The following TDRD5 variants were observed in gnomAD, a reference collection of about 807,000 sequenced individuals.
The protein encoded by TDRD5 is tudor domain-containing protein 5.
TDRD5 carries 41 observed loss-of-function variants against 120.6 expected under a neutral mutation model. That is an observed-to-expected ratio of 0.34 (90% CI 0.26 to 0.44). The LOEUF is 0.44. TDRD5 is among the 20% of genes least tolerant of loss of function. The probability of loss-of-function intolerance (pLI) is 1.00; values close to 1 mark genes in which losing one functional copy is unlikely to be tolerated. For missense variants in TDRD5, 1,006 were observed against 1,221.2 expected, an observed-to-expected ratio of 0.82 and a Z score of 2.63; for synonymous variants, 430 against 433.7, an observed-to-expected ratio of 0.99 and a Z score of 0.11.
intron 2 of TDRD5, 49 bp downstream of exon 2, chr1:179,592,896 T>C (rs1675193493): frequency 6.5e-7 from 1 of 1,538,298 alleles, no homozygotes; most frequent in Non-Finnish European, 9.0e-7. Flanking sequence ...TAAAAACAAT[T>C]GCTTAGTAAA....
intron 4 of TDRD5, among the ~76,000 whole-genome samples, chr1:179,602,581 A>G (rs374785808): frequency 1.6e-4 from 24 of 152,152 alleles, no homozygotes; most frequent in East Asian, 1.5e-3. Flanking sequence ...ATCCAGTTTC[A>G]TTCTCCTACA....
intron 6 of TDRD5, among the ~76,000 whole-genome samples, chr1:179,624,788 T>C (rs986010628): frequency 2.0e-5 from 3 of 152,166 alleles, no homozygotes; most frequent in Admixed American, 1.3e-4. Context: ...AGACTCATTA[T>C]TGATAACATT....
chr1:179,633,527 T>G (rs1677578658), intron 7 of TDRD5, among the ~76,000 whole-genome samples: 2 of 151,920 alleles, frequency 1.3e-5, no homozygotes, highest in South Asian at 4.2e-4. Context: ...AATTTTTGTA[T>G]TTTTAGTAGA....
At chr1:179,644,354 A>C (rs1678222695) in intron 11 of TDRD5, among the ~76,000 whole-genome samples, 1 of 152,164 alleles carries the variant, frequency 6.6e-6, no homozygotes, top group Non-Finnish European at 1.5e-5. Flanking sequence ...GCATATGTTG[A>C]TGTAATATAT....
intron 6 of TDRD5, among the ~76,000 whole-genome samples, chr1:179,622,665 A>G (rs1402100031): frequency 1.3e-5 from 2 of 152,166 alleles, no homozygotes; most frequent in Non-Finnish European, 2.9e-5. Context: ...TGGAAATGGC[A>G]GAAGAAAGCT....
In TDRD5 at chr1:179,656,461, A is replaced by G. The variant is rs117818500; in HGVS notation, c.2322+2099A>G. 5.8e-3 allele frequency among the ~76,000 whole-genome samples: 887 copies of G among 152,258 alleles called. 14 individuals are homozygous for G. In the East Asian group the frequency reaches 0.064, roughly 11 times the overall value. Reference sequence around the variant, plus strand: ...AACCTAACGTATCAACTTGTTTTCTATTATGGACAGTGTTTCCAGTATCAA... The same window carrying G: ...AACCTAACGTATCAACTTGTTTTCTGTTATGGACAGTGTTTCCAGTATCAA... On this transcript the variant is annotated intron_variant, in intron 14 of 17. Coordinates refer to ENST00000444136, the MANE Select transcript of TDRD5 (RefSeq NM_001199085.3).
In TDRD5 at chr1:179,591,901, G is replaced by C. The variant is rs1394550362; in HGVS notation, c.-239G>C. The C allele has an allele frequency of 1.3e-5, 2 of 152,356 alleles. No individual in the cohort carries two copies. The highest frequency in any genetic ancestry group is 2.4e-5 in the African/African-American group (1 of 41,462). The allele number at this position is 152,356 out of a possible 1,614,324, so 9.4% of individuals were successfully genotyped here. A position where few individuals can be genotyped will look rare whatever the true frequency, so the allele number is the denominator to read the frequency against. ...GGAGAGGGCCCCCTAATCTCTACTC[G>C]GCCCGCACCAGCAGCGCTGGCGTCA... On this transcript the variant is annotated 5_prime_UTR_variant, in exon 1 of 18. Coordinates refer to ENST00000444136, the MANE Select transcript of TDRD5 (RefSeq NM_001199085.3).
At chr1:179,607,146 T>C (rs1216857988) in intron 4 of TDRD5, among the ~76,000 whole-genome samples, 1 of 152,108 alleles carries the variant, frequency 6.6e-6, no homozygotes, top group Non-Finnish European at 1.5e-5. Flanking sequence ...ACAGATCTTG[T>C]ACATATTTTT....
intron 7 of TDRD5, among the ~76,000 whole-genome samples, chr1:179,633,597 G>A (rs943275384): frequency 4.6e-5 from 7 of 151,740 alleles, no homozygotes; most frequent in African/African-American, 7.2e-5. Context: ...TGATCCACCC[G>A]CCTCGGCCTC....
At chr1:179,627,857 C>T (rs1285983191) in intron 6 of TDRD5, among the ~76,000 whole-genome samples, 1 of 152,114 alleles carries the variant, frequency 6.6e-6, no homozygotes, top group Non-Finnish European at 1.5e-5. Flanking sequence ...TGAATTGATA[C>T]AGCTGGATAA....
intron 14 of TDRD5, among the ~76,000 whole-genome samples, chr1:179,659,550 CGTGTGTGTGTGTGTGTGTGTGTGT>C (rs71569263): frequency 3.8e-5 from 5 of 129,884 alleles, no homozygotes; most frequent in South Asian, 2.7e-4. Flanking sequence ...TTCCAGTTTT[CGTGTGTGTGTGTGTGTGTGTGTGT>C]GTGTGTGTGT....
Position 179,654,081 on chromosome 1 carries a change from A to G in TDRD5, c.2161-120A>G, listed in dbSNP as rs924050277. The G allele has an allele frequency of 3.8e-6, 3 of 787,084 alleles. No homozygotes were observed. In the African/African-American group the frequency reaches 5.2e-5, roughly 14 times the overall value. The allele number at this position is 787,084 out of a possible 1,614,324, so 48.8% of individuals were successfully genotyped here. Reference sequence around the variant, plus strand: ...GACCTAGGATCATGGATAAAGCTATAAAATAATGTAGCATTTGTGTGAACC... The same window carrying G: ...GACCTAGGATCATGGATAAAGCTATGAAATAATGTAGCATTTGTGTGAACC... On this transcript the variant is annotated intron_variant, in intron 13 of 17. Transcript: ENST00000444136.
chr1:179,615,276 C>T (rs1006807695), intron 4 of TDRD5, among the ~76,000 whole-genome samples: 1 of 152,022 alleles, frequency 6.6e-6, no homozygotes, highest in Non-Finnish European at 1.5e-5. Flanking sequence ...AGTATGATCT[C>T]AATACCTATT....
intron 14 of TDRD5, among the ~76,000 whole-genome samples, chr1:179,657,810 C>T (rs778502464): frequency 2.4e-4 from 36 of 152,084 alleles, no homozygotes; most frequent in Non-Finnish European, 4.1e-4. Flanking sequence ...ATAAGTCAAG[C>T]TATTTAGCAT....
In TDRD5 at chr1:179,618,302, CAA is replaced by C. The variant is rs914283027; in HGVS notation, c.832-293_832-292del. On this transcript the variant is annotated intron_variant, in intron 4 of 17. Coordinates refer to ENST00000444136, the MANE Select transcript of TDRD5 (RefSeq NM_001199085.3). ...TTTATAAATAGGAGAAAATTAGTAACAAAAATTCTTTCTGGGTAAGAGTATGG... is the reference window on the plus strand; with the variant it reads ...TTTATAAATAGGAGAAAATTAGTAACAAATTCTTTCTGGGTAAGAGTATGG... Among the ~76,000 whole-genome samples, 74 of 152,198 alleles carry C rather than the reference CAA, an allele frequency of 4.9e-4. 1 individual carries two copies. Among genetic ancestry groups the C allele is most frequent in the African/African-American group, 1.8e-3 (73 of 41,534 alleles).
chr1:179,600,217 G>A (rs1441428846), intron 4 of TDRD5, among the ~76,000 whole-genome samples: 1 of 152,012 alleles, frequency 6.6e-6, no homozygotes, highest in East Asian at 1.9e-4. Flanking sequence ...TAATGTCCTA[G>A]GCCTACACAT....
In TDRD5 at chr1:179,675,500, C is replaced by T. The variant is rs531787070; in HGVS notation, c.2860+6096C>T. Among the ~76,000 whole-genome samples, 10 of 151,020 alleles carry T rather than the reference C, an allele frequency of 6.6e-5. No homozygotes were observed. In the East Asian group the frequency reaches 1.2e-3, roughly 18 times the overall value. On this transcript the variant is annotated intron_variant, in intron 17 of 17. Transcript: ENST00000444136. ...TTCACCGTGTTAGCCAGGATGGTCT[C>T]GATCTCCTGACCTCGTGATCCGCCC... is the stretch of plus-strand genomic sequence containing the variant.
At chr1:179,640,981 T>C (rs950116393) in intron 11 of TDRD5, among the ~76,000 whole-genome samples, 1 of 152,182 alleles carries the variant, frequency 6.6e-6, no homozygotes, top group African/African-American at 2.4e-5. Context: ...CACTGACAGA[T>C]AACATGTTTT....
At chr1:179,641,826 C>T (rs1433460348) in intron 11 of TDRD5, among the ~76,000 whole-genome samples, 3 of 152,202 alleles carry the variant, frequency 2.0e-5, no homozygotes, top group South Asian at 4.1e-4. Context: ...CCTGCTTAAC[C>T]GTTTCTTTAT....
Sources: gnomAD v4.1 joint callset for allele counts (sites outside exome capture counted in the v4.1 genomes callset) on GRCh38, gnomAD v4.1.1 for gene constraint, MANE v1.5 for transcripts, NCBI Gene and HGNC (gene_info 2026-07-23, HGNC 2026-07-21) for gene names.